The following SLIT2 variants were observed in gnomAD, a reference collection of about 807,000 sequenced individuals.
SLIT2 encodes the protein slit homolog 2 protein.
In SLIT2, 41 loss-of-function variants were observed where a neutral mutation model predicts 185.7. The observed-to-expected ratio is 0.22, with a 90% confidence interval of 0.17 to 0.29. The LOEUF (loss-of-function observed/expected upper bound fraction) is 0.29, where lower values mean the gene tolerates loss of function less well. Among genes scored for constraint, SLIT2 ranks in the 10% least tolerant of loss-of-function variants. The pLI, the probability that SLIT2 is intolerant of heterozygous loss-of-function variation, is 1.00. For synonymous variants in SLIT2, 693 were observed against 680.2 expected (o/e 1.02, Z -0.29); for missense variants, 1,571 against 1,909.0 (o/e 0.82, Z 3.30).
At chr4:20,583,827 A>AATG (rs1356547502) in intron 29 of SLIT2, among the ~76,000 whole-genome samples, 2 of 151,640 alleles carry the variant, frequency 1.3e-5, no homozygotes, top group Non-Finnish European at 2.9e-5. Flanking sequence ...TAATAATAAT[A>AATG]ATAAAAATAA....
intron 33 of SLIT2, among the ~76,000 whole-genome samples, chr4:20,605,723 ATTT>A (rs1473477313): frequency 1.6e-4 from 24 of 147,808 alleles, no homozygotes; most frequent in African/African-American, 5.0e-4. Context: ...ATTTTATTTT[ATTT>A]TATTTTATTT....
At chr4:20,343,847 A>G (rs1721165230) in intron 4 of SLIT2, among the ~76,000 whole-genome samples, 5 of 147,468 alleles carry the variant, frequency 3.4e-5, no homozygotes, top group South Asian at 2.1e-4. Context: ...GTAATCTATT[A>G]TTATTATTAG....
chr4:20,406,391 A>G (rs941217480), intron 4 of SLIT2, among the ~76,000 whole-genome samples: 1 of 143,706 alleles, frequency 7.0e-6, no homozygotes, highest in African/African-American at 2.4e-5. Context: ...AATATATGTA[A>G]CCACTGAAGG....
At chr4:20,546,977 G>T (rs960190634) in intron 22 of SLIT2, among the ~76,000 whole-genome samples, 2 of 152,000 alleles carry the variant, frequency 1.3e-5, no homozygotes, top group Non-Finnish European at 2.9e-5. Context: ...CAGATTACTG[G>T]TTAACGAATT....
At chr4:20,542,695 A>G (rs1443491119) in intron 21 of SLIT2, 69 bp downstream of exon 21, 1 of 1,471,134 alleles carries the variant, frequency 6.8e-7, no homozygotes. Flanking sequence ...ACCCAGAGGA[A>G]TGGACAAAAA....
At chr4:20,530,408 C>A (rs569912051) in intron 16 of SLIT2, among the ~76,000 whole-genome samples, 1 of 152,148 alleles carries the variant, frequency 6.6e-6, no homozygotes, top group Admixed American at 6.5e-5. Flanking sequence ...CCCATCTCCC[C>A]AAGAAGCTGG....
chr4:20,535,932 A>G (rs1722233001), intron 18 of SLIT2, among the ~76,000 whole-genome samples: 1 of 152,144 alleles, frequency 6.6e-6, no homozygotes, highest in African/African-American at 2.4e-5. Context: ...GTGGACTTAC[A>G]CAAACCTAGA....
intron 16 of SLIT2, among the ~76,000 whole-genome samples, chr4:20,531,744 T>C (rs978511022): frequency 3.3e-5 from 5 of 149,754 alleles, no homozygotes; most frequent in Admixed American, 2.7e-4. Flanking sequence ...TGAGAGCTGG[T>C]TTTGATCTTT....
chr4:20,376,115 C>CTT lies in SLIT2; in HGVS notation c.396-91612_396-91611dup, dbSNP rs71653881. Among the ~76,000 whole-genome samples the CTT allele has an allele frequency of 1.6e-3, 131 of 79,654 alleles. 1 individual carries two copies. The highest frequency in any genetic ancestry group is 1.8e-3 in the Non-Finnish European group (78 of 43,296). 52.3% of individuals were successfully genotyped at this position (79,654 alleles called of 152,430 possible). On this transcript the variant is annotated intron_variant, in intron 4 of 36. Transcript: ENST00000504154. ...CAATGAGAAGAATATCATTGTTTAA[C>CTT]TTTTTTTTTTTTTTTTTTTTTTTTT...
intron 4 of SLIT2, among the ~76,000 whole-genome samples, chr4:20,363,136 T>A (rs1722868620): frequency 6.6e-6 from 1 of 152,086 alleles, no homozygotes; most frequent in Admixed American, 6.6e-5. Flanking sequence ...AATGGGGAAT[T>A]TATAGTGAAT....
intron 9 of SLIT2, among the ~76,000 whole-genome samples, chr4:20,500,364 A>G (rs1295209788): frequency 6.6e-6 from 1 of 152,210 alleles, no homozygotes; most frequent in African/African-American, 2.4e-5. Flanking sequence ...GCACTTCTTA[A>G]CACATGGAGC....
In SLIT2 at chr4:20,331,530, A is replaced by G. The variant is rs1444270759; in HGVS notation, c.395+62649A>G. Among the ~76,000 whole-genome samples, 6 of 142,516 alleles carry G rather than the reference A, an allele frequency of 4.2e-5. No homozygotes were observed. The East Asian group carries it at 9.9e-4, about 24-fold the overall frequency. 93.5% of individuals were successfully genotyped at this position (142,516 alleles called of 152,430 possible). A position where few individuals can be genotyped will look rare whatever the true frequency, so the allele number is the denominator to read the frequency against. ...TAATTATAGCTAACATTTCTTTAAT[A>G]CTGTGATGTCAGTCACTGTACTAAG... On this transcript the variant is annotated intron_variant, in intron 4 of 36. Transcript: ENST00000504154.
intron 18 of SLIT2, among the ~76,000 whole-genome samples, chr4:20,537,217 T>A (rs1722376101): frequency 1.3e-5 from 2 of 152,210 alleles, no homozygotes; most frequent in South Asian, 4.1e-4. Context: ...TTTGCTATAC[T>A]TTTATACAAC....
chr4:20,293,699 T>C (rs1378868490), intron 4 of SLIT2, among the ~76,000 whole-genome samples: 2 of 152,206 alleles, frequency 1.3e-5, no homozygotes. Flanking sequence ...GCCTTTATTT[T>C]TCTTGTGAGA....
chr4:20,311,448 G>A (rs980245110), intron 4 of SLIT2, among the ~76,000 whole-genome samples: 1 of 152,026 alleles, frequency 6.6e-6, no homozygotes, highest in Non-Finnish European at 1.5e-5. Context: ...TCACATAATC[G>A]ATGTAACAAG....
chr4:20,407,767 G>T (rs760153990), intron 4 of SLIT2, among the ~76,000 whole-genome samples: 62 of 152,184 alleles, frequency 4.1e-4, no homozygotes, highest in Admixed American at 2.0e-4. Context: ...TTGAATTCTG[G>T]ATGTGGAAGT....
intron 2 of SLIT2, among the ~76,000 whole-genome samples, chr4:20,257,652 A>G (rs1021337285): frequency 6.6e-6 from 1 of 151,956 alleles, no homozygotes; most frequent in African/African-American, 2.4e-5. Context: ...CTCATGAGAA[A>G]CTGCATTTGT....
chr4:20,568,055 T>C (rs954737925), intron 28 of SLIT2, among the ~76,000 whole-genome samples: 2 of 152,088 alleles, frequency 1.3e-5, no homozygotes, highest in South Asian at 2.1e-4. Context: ...CAAGACACAA[T>C]GTAAGTAGAC....
intron 4 of SLIT2, among the ~76,000 whole-genome samples, chr4:20,332,711 AT>A (rs1720176159): frequency 6.6e-6 from 1 of 152,004 alleles, no homozygotes; most frequent in Non-Finnish European, 1.5e-5. Context: ...TGCTGTTTTT[AT>A]TGATATTTAG....
Sources: allele counts gnomAD v4.1 joint callset (sites outside exome capture counted in the v4.1 genomes callset), GRCh38; gene constraint gnomAD v4.1.1; transcripts MANE v1.5; gene names NCBI Gene and HGNC (gene_info 2026-07-23, HGNC 2026-07-21).